Variants in MYH7B observed in about 807,000 individuals in gnomAD.
MYH7B encodes the protein myosin heavy chain 7B.
In MYH7B, 205 loss-of-function variants were observed where a neutral mutation model predicts 234.5. That is an observed-to-expected ratio of 0.87 (90% CI 0.78 to 0.98). MYH7B has a LOEUF of 0.98. Among genes scored for constraint, MYH7B ranks in the 50% least tolerant of loss-of-function variants. The pLI is 0.00. For synonymous variants in MYH7B, 1,193 were observed against 1,105.0 expected (o/e 1.08, Z -1.58); for missense variants, 2,652 against 2,633.4 (o/e 1.01, Z -0.15).
Position 34,990,985 on chromosome 20 carries a change from T to C in MYH7B, c.2066-19T>C. On this transcript the variant is annotated intron_variant, in intron 23 of 44. Transcript: ENST00000262873. ...GGGTGTGCCTGTTGACCTCTGACCT[T>C]TTCCCCTCTCACGTCCAGGGGTCAT... 1 of 1,604,240 alleles carries C rather than the reference T, an allele frequency of 6.2e-7. No individual in the cohort carries two copies. Among genetic ancestry groups the C allele is most frequent in the South Asian group, 1.1e-5 (1 of 90,080 alleles).
At position 34,987,538 on chromosome 20, in the gene MYH7B, C is replaced by T; in HGVS notation, c.1148-19C>T. Reference sequence around the variant, plus strand: ...GCATGGTGGTGTCCTCCTCCCTTACCCCACTCGTGCCCTGCCAGGTGCTGA... The same window carrying T: ...GCATGGTGGTGTCCTCCTCCCTTACTCCACTCGTGCCCTGCCAGGTGCTGA... On this transcript the variant is annotated intron_variant, in intron 16 of 44. Coordinates refer to ENST00000262873, the Ensembl canonical transcript of MYH7B. 2 of 1,502,862 alleles carry T rather than the reference C, an allele frequency of 1.3e-6. No individual in the cohort carries two copies. The highest frequency in any genetic ancestry group is 1.8e-6 in the Non-Finnish European group (2 of 1,129,898). 93.1% of individuals were successfully genotyped at this position (1,502,862 alleles called of 1,614,324 possible).
At chr20:34,999,836 G>C in exon 38 of MYH7B, 1 of 1,613,166 alleles carries the variant, frequency 6.2e-7, no homozygotes, top group South Asian at 1.1e-5. Flanking sequence ...GATCCAGCTG[G>C]AGCTCTCCCA....
chr20:34,990,434 C>T (rs2082122530), intron 22 of MYH7B, 124 bp downstream of exon 22: 2 of 1,043,928 alleles, frequency 1.9e-6, no homozygotes, highest in Admixed American at 3.4e-5. Context: ...TGTTTAACTC[C>T]TCTCCACGTG....
intron 28 of MYH7B, among the ~76,000 whole-genome samples, chr20:34,995,926 T>C (rs2147226784): frequency 6.6e-6 from 1 of 152,344 alleles, no homozygotes. Context: ...AGGTGACTTC[T>C]GCCCTTGAGC....
chr20:34,989,844 C>G, exon 20 of MYH7B: 1 of 1,614,196 alleles, frequency 6.2e-7, no homozygotes, highest in South Asian at 1.1e-5. Context: ...GGAAGTCACC[C>G]AATTTCCAGC....
At chr20:34,987,974 G>T (rs547049334) in intron 18 of MYH7B, 60 bp downstream of exon 18, 110 of 1,556,732 alleles carry the variant, frequency 7.1e-5, no homozygotes, top group Middle Eastern at 4.3e-4. Flanking sequence ...ATGGGCCTGT[G>T]GGGGGGCAGA....
chr20:35,001,342 C>A, exon 42 of MYH7B: 1 of 1,608,628 alleles, frequency 6.2e-7, no homozygotes, highest in South Asian at 1.1e-5. Flanking sequence ...AAGGAGCTCG[C>A]ATACCAGGTG....
chr20:35,000,178 G>T, intron 38 of MYH7B, 115 bp from the exon 39 acceptor site: 2 of 1,282,902 alleles, frequency 1.6e-6, no homozygotes, highest in Middle Eastern at 4.0e-4. Context: ...ACTTTAAATC[G>T]GGGAGGGGTG....
At chr20:35,000,316 A>G in exon 39 of MYH7B, 1 of 1,589,594 alleles carries the variant, frequency 6.3e-7, no homozygotes, top group Non-Finnish European at 8.5e-7. Flanking sequence ...CGAGCTGTGG[A>G]GTCCCTGCAG....
At chr20:34,996,321 C>A in intron 28 of MYH7B, 25 bp from the exon 29 acceptor site, 1 of 1,558,896 alleles carries the variant, frequency 6.4e-7, no homozygotes. Flanking sequence ...AGGGCGTCCC[C>A]ATTCTGGCCC....
In MYH7B at chr20:34,979,740, C is replaced by T. The variant is rs375000032; in HGVS notation, c.278C>T (p.Thr93Met). The T allele has an allele frequency of 5.6e-6, 9 of 1,614,088 alleles. No individual in the cohort carries two copies. Among genetic ancestry groups the T allele is most frequent in the Non-Finnish European group, 6.8e-6 (8 of 1,180,044 alleles). The stretch of plus-strand genomic sequence containing the variant: ...TTACTGGAGGACATGGCCATGATGA[C>T]GCACCTGAACGAGGCCTCTGTGCTG... Residue 93 changes from threonine to methionine, a missense_variant, in exon 7 of 45, where the codon ACG becomes ATG. By Grantham distance (81) the Thr-to-Met change is moderately conservative. This residue lies in a region of MYH7B where 366 missense variants were observed against 401.2 expected (regional missense o/e 0.91). Coordinates refer to ENST00000262873, the Ensembl canonical transcript of MYH7B.
At position 35,001,940 on chromosome 20, in the gene MYH7B, GC is replaced by G. The variant is rs755414402; in HGVS notation, c.5677-3del. 23 of 1,610,928 alleles carry G rather than the reference GC, an allele frequency of 1.4e-5. No individual in the cohort carries two copies. The South Asian group carries it at 2.3e-4, about 16-fold the overall frequency. ...CAAGCGGAACCAAGGCCCTGTGTGTGCCCCCAGGAGCAGCAGGCCAACACCA... is the reference window on the plus strand; with the variant it reads ...CAAGCGGAACCAAGGCCCTGTGTGTGCCCCAGGAGCAGCAGGCCAACACCA... On this transcript the variant is annotated splice_polypyrimidine_tract_variant and splice_region_variant and intron_variant, in intron 43 of 44. Coordinates refer to ENST00000262873, the Ensembl canonical transcript of MYH7B.
exon 16 of MYH7B, chr20:34,987,250 G>A: frequency 1.2e-6 from 2 of 1,611,752 alleles, no homozygotes; most frequent in Middle Eastern, 2.2e-4. Flanking sequence ...TCAAGCAGAA[G>A]CAGCGGGAGG....
At chr20:34,980,404 C>G in intron 7 of MYH7B, 174 bp from the exon 8 acceptor site, 2 of 613,816 alleles carry the variant, frequency 3.3e-6, no homozygotes, top group Non-Finnish European at 2.9e-6. Flanking sequence ...CAAAAATTAG[C>G]CGGTCGTGGT....
At position 34,997,355 on chromosome 20, in the gene MYH7B, C is replaced by A. The variant is rs772444392; in HGVS notation, c.3462C>A (p.Ser1154Arg). The change falls in exon 32 of 45, where the codon AGC becomes AGA. Residue 1154 changes from serine to arginine, a missense_variant. Physicochemically the swap from Ser to Arg is moderately radical, Grantham distance 110. Around this residue, in one of 3 missense-constraint regions of MYH7B, gnomAD observed 2,279 missense variants for 2,211.4 expected, o/e 1.03. Transcript: ENST00000262873. ...CGGCGCGGGAGCTGGAGGAGCTGAG[C>A]GAGCGGCTGGAGGAGGCAGGCGGCG... 2.0e-6 allele frequency: 3 copies of A among 1,535,602 alleles called. No homozygotes were observed. In the South Asian group the frequency reaches 3.6e-5, roughly 18 times the overall value.
chr20:34,990,359 C>T (rs1478415849), intron 22 of MYH7B, 49 bp downstream of exon 22: 1 of 1,604,650 alleles, frequency 6.2e-7, no homozygotes, highest in East Asian at 2.2e-5. Context: ...AGCCTCCAGC[C>T]CCGTCCTTCA....
At chr20:34,976,614 G>A (rs1448894986) in intron 3 of MYH7B, among the ~76,000 whole-genome samples, 1 of 152,156 alleles carries the variant, frequency 6.6e-6, no homozygotes, top group Non-Finnish European at 1.5e-5. Flanking sequence ...TCTTCAATGT[G>A]GGGATCTGAA....
rs753672942 is a variant in MYH7B, at chr20:34,990,122, G to C, written c.1876G>C (p.Glu626Gln). Residue 626 changes from glutamate (E) to glutamine (Q), a missense_variant, in exon 21 of 45, where the codon GAG (glutamate) becomes CAG (glutamine). By Grantham distance (29) the Glu-to-Gln change is conservative. Around this residue, in one of 3 missense-constraint regions of MYH7B, gnomAD observed 2,279 missense variants for 2,211.4 expected, o/e 1.03. Coordinates refer to ENST00000262873, the Ensembl canonical transcript of MYH7B. ...GAATAGGCTCCTGGCGACTCTCTAT[G>C]AGAATTATGCGGGCTCCTGCTCCAG... 4 of 1,614,146 alleles carry C rather than the reference G, an allele frequency of 2.5e-6. No individual in the cohort carries two copies. Among genetic ancestry groups the C allele is most frequent in the Non-Finnish European group, 3.4e-6 (4 of 1,180,034 alleles).
rs759490010 is a variant in MYH7B at position 35,001,958 on chromosome 20, C to T, written c.5687C>T (p.Ala1896Val). 2.5e-6 allele frequency: 4 copies of T among 1,613,012 alleles called. No homozygotes were observed. In the East Asian group the frequency reaches 8.9e-5, roughly 36 times the overall value. Residue 1896 changes from alanine to valine, a missense_variant, in exon 44 of 45, where the codon GCC becomes GTC. By Grantham distance (64) the Ala-to-Val change is moderately conservative (BLOSUM62 0). This residue lies in a region of MYH7B where 2,279 missense variants were observed against 2,211.4 expected (regional missense o/e 1.03). Coordinates refer to ENST00000262873, the Ensembl canonical transcript of MYH7B. ...TGTGTGTGCCCCCAGGAGCAGCAGG[C>T]CAACACCAACCTGGCCAAGTATCGC...
Sources: gnomAD v4.1 joint callset for allele counts (sites outside exome capture counted in the v4.1 genomes callset) on GRCh38, gnomAD v4.1.1 for gene constraint, gnomAD v4.1.1 regional missense constraint, MANE v1.5 for transcripts, NCBI Gene and HGNC (gene_info 2026-07-23, HGNC 2026-07-21) for gene names.